Variants in IGSF9B observed in about 807,000 individuals in gnomAD.
IGSF9B encodes protein turtle homolog B.
IGSF9B carries 48 observed loss-of-function variants against 143.7 expected under a neutral mutation model. That is an observed-to-expected ratio of 0.33 (90% CI 0.26 to 0.42). The LOEUF (loss-of-function observed/expected upper bound fraction) is 0.42, where lower values mean the gene tolerates loss of function less well. IGSF9B is among the 20% of genes least tolerant of loss of function. The pLI is 1.00. For missense variants in IGSF9B, 1,706 were observed against 1,980.0 expected, an observed-to-expected ratio of 0.86 and a Z score of 2.63; for synonymous variants, 903 against 833.1, an observed-to-expected ratio of 1.08 and a Z score of -1.44.
chr11:133,931,944 A>G lies in IGSF9B; in HGVS notation c.1110+127T>C. 1 of 1,483,186 alleles carries G rather than the reference A, an allele frequency of 6.7e-7. No individual in the cohort carries two copies. The highest frequency in any genetic ancestry group is 9.1e-7 in the Non-Finnish European group (1 of 1,102,208). The allele number at this position is 1,483,186 out of a possible 1,614,324, so 91.9% of individuals were successfully genotyped here. Reference sequence around the variant, plus strand: ...GGCACCCGCAGACCCCTACAGAAGCAGCTCTCTGTTTGCCCAGGGCTTTTG... The same window carrying G: ...GGCACCCGCAGACCCCTACAGAAGCGGCTCTCTGTTTGCCCAGGGCTTTTG... On this transcript the variant is annotated intron_variant, in intron 8 of 19. Coordinates refer to ENST00000533871, the MANE Select transcript of IGSF9B (RefSeq NM_001277285.4). The surrounding 1 kb of genome is among the most constrained non-coding windows in gnomAD (Gnocchi z 7.7).
In IGSF9B at chr11:133,901,014, T is replaced by A. The variant is rs1939111379; in HGVS notation, c.*8055A>T. ...TTACCTTTCCACAGCCACGTGGGGA[T>A]GGAGTCACAGTTTTCATCTCCTCAG... is the stretch of plus-strand genomic sequence containing the variant. On this transcript the variant is annotated 3_prime_UTR_variant, in exon 20 of 20. Coordinates refer to ENST00000533871, the MANE Select transcript of IGSF9B (RefSeq NM_001277285.4). The A allele has an allele frequency of 6.6e-6, 1 of 152,210 alleles. No individual in the cohort carries two copies. The highest frequency in any genetic ancestry group is 2.4e-5 in the African/African-American group (1 of 41,446). The allele number at this position is 152,210 out of a possible 1,614,324, so 9.4% of individuals were successfully genotyped here.
chr11:133,956,616 G>A, intron 1 of IGSF9B, 75 bp downstream of exon 1: 1 of 1,035,154 alleles, frequency 9.7e-7, no homozygotes, highest in South Asian at 1.4e-5. Context: ...CAAGGAGCCG[G>A]GAAACCGAGG....
chr11:133,916,594 C>T (rs1486320319), intron 18 of IGSF9B, among the ~76,000 whole-genome samples: 1 of 152,154 alleles, frequency 6.6e-6, no homozygotes, highest in Non-Finnish European at 1.5e-5. Context: ...GGGAGAGAAA[C>T]GATGGTCCCT....
rs938272496 is a variant in IGSF9B at position 133,900,318 on chromosome 11, C to T, written c.*8751G>A. The T allele has an allele frequency of 1.3e-5, 2 of 152,772 alleles. No homozygotes were observed. Among genetic ancestry groups the T allele is most frequent in the African/African-American group, 4.8e-5 (2 of 41,452 alleles). The allele number at this position is 152,772 out of a possible 1,614,324, so 9.5% of individuals were successfully genotyped here. On this transcript the variant is annotated 3_prime_UTR_variant, in exon 20 of 20. Transcript: ENST00000533871. ...GTCCTGAGTCTCTCCTCACTGCCTG[C>T]ACCATCTGGCCCAGCACCAGCTTCA... is the stretch of plus-strand genomic sequence containing the variant.
chr11:133,913,876 G>C lies in IGSF9B; in HGVS notation c.3984-1869C>G, dbSNP rs1013168680. Among the ~76,000 whole-genome samples the C allele has an allele frequency of 6.6e-6, 1 of 152,194 alleles. No individual in the cohort carries two copies. The highest frequency in any genetic ancestry group is 2.4e-5 in the African/African-American group (1 of 41,446). ...TTAATGTGAATCCACCTGTTCAGTC[G>C]ATCTCTGTCTCCTGGCCGGCCTCTT... On this transcript the variant is annotated intron_variant, in intron 18 of 19. Transcript: ENST00000533871. This position sits in a 1 kb window ranked among gnomAD's most constrained non-coding sequence, Gnocchi z 4.6.
intron 3 of IGSF9B, among the ~76,000 whole-genome samples, chr11:133,939,524 C>T (rs547845934): frequency 1.3e-5 from 2 of 152,306 alleles, no homozygotes; most frequent in East Asian, 1.9e-4. Context: ...GTTGAATGAA[C>T]GAAAGAATGA....
chr11:133,955,975 G>A (rs1253905706), intron 1 of IGSF9B, among the ~76,000 whole-genome samples: 1 of 151,688 alleles, frequency 6.6e-6, no homozygotes, highest in Non-Finnish European at 1.5e-5. Context: ...GCGCGGCTGC[G>A]GCGCGCTCCC....
rs571161434 is a variant in IGSF9B, at chr11:133,935,648, G to C, written c.936C>G (p.Ser312=). Residue 312 remains serine, a synonymous_variant, in exon 7 of 20, where the codon TCC becomes TCG. Coordinates refer to ENST00000533871, the MANE Select transcript of IGSF9B (RefSeq NM_001277285.4). ...CGGTCAGGTACGCCGAGGCGGAGGG[G>C]GAGCGCCCCAGGCTGTTGCTGGGCA... ...TCVPSNSLGR[S]PSASAYLTVQ... 4.3e-6 allele frequency: 7 copies of C among 1,610,680 alleles called. No homozygotes were observed. The African/African-American group carries it at 8.0e-5, about 18-fold the overall frequency.
At chr11:133,925,620 G>A (rs1939609298) in intron 14 of IGSF9B, 119 bp downstream of exon 14, 2 of 719,524 alleles carry the variant, frequency 2.8e-6, no homozygotes, top group South Asian at 1.7e-5. Context: ...TGGTGAGGAG[G>A]TACAGGATGT....
chr11:133,947,580 C>A (rs1195385056), intron 1 of IGSF9B, among the ~76,000 whole-genome samples: 1 of 152,210 alleles, frequency 6.6e-6, no homozygotes, highest in Non-Finnish European at 1.5e-5. Flanking sequence ...TCCGGTGCCT[C>A]GGTCTGACTC....
In IGSF9B at chr11:133,925,800, T is replaced by C; in HGVS notation, c.1973A>G (p.Glu658Gly). The C allele has an allele frequency of 1.2e-6, 2 of 1,613,848 alleles. No homozygotes were observed. The highest frequency in any genetic ancestry group is 1.7e-6 in the Non-Finnish European group (2 of 1,179,870). ...GCCGGGGATGCCATCGTCGAGCAAC[T>C]CCCAGCGCTCTGCGACACGGAACTC... Reference protein sequence around the residue: ...IMEFRVAERWELLDDGIPGTE... With the variant: ...IMEFRVAERWGLLDDGIPGTE... Residue 658 changes from glutamate (E) to glycine (G), a missense_variant, in exon 14 of 20, where the codon GAG (glutamate) becomes GGG (glycine). Physicochemically the swap from Glu to Gly is moderately conservative, Grantham distance 98. Transcript: ENST00000533871.
intron 7 of IGSF9B, among the ~76,000 whole-genome samples, chr11:133,935,173 C>T (rs1020191092): frequency 7.2e-5 from 11 of 152,224 alleles, no homozygotes; most frequent in Non-Finnish European, 1.6e-4. Context: ...GCCCCCGACA[C>T]AGACGCGGTG....
Position 133,906,637 on chromosome 11 carries a change from A to G in IGSF9B, c.*2432T>C, listed in dbSNP as rs937215883. ...CATGGCCTGAGCATCTCAGCCTCTC[A>G]TGACATCCGAAAGAAGCAAAGCCTT... On this transcript the variant is annotated 3_prime_UTR_variant, in exon 20 of 20. Transcript: ENST00000533871. 6.6e-6 allele frequency among the ~76,000 whole-genome samples: 1 copy of G among 152,192 alleles called. No individual in the cohort carries two copies. Among genetic ancestry groups the G allele is most frequent in the Non-Finnish European group, 1.5e-5 (1 of 68,020 alleles).
At position 133,912,021 on chromosome 11, in the gene IGSF9B, C is replaced by G; in HGVS notation, c.3984-14G>C. 6.6e-7 allele frequency: 1 copy of G among 1,508,994 alleles called. No individual in the cohort carries two copies. The highest frequency in any genetic ancestry group is 8.8e-7 in the Non-Finnish European group (1 of 1,138,052). The allele number at this position is 1,508,994 out of a possible 1,614,324, so 93.5% of individuals were successfully genotyped here. A position where few individuals can be genotyped will look rare whatever the true frequency, so the allele number is the denominator to read the frequency against. ...GGTGGAAGTGTTCTGGAAAGGACAA[C>G]CAGAGAGCCACAATTCAGCTCCCGG... On this transcript the variant is annotated splice_polypyrimidine_tract_variant and intron_variant, in intron 18 of 19. Transcript: ENST00000533871.
In IGSF9B at chr11:133,906,517, G is replaced by A. The variant is rs576312938; in HGVS notation, c.*2552C>T. On this transcript the variant is annotated 3_prime_UTR_variant, in exon 20 of 20. Coordinates refer to ENST00000533871, the MANE Select transcript of IGSF9B (RefSeq NM_001277285.4). Reference sequence around the variant, plus strand: ...ACCAGCGAAAAGCACGGCTCCCCGCGTTGGGTCTACGTGCTGAGGTCATGG... The same window carrying A: ...ACCAGCGAAAAGCACGGCTCCCCGCATTGGGTCTACGTGCTGAGGTCATGG... Among the ~76,000 whole-genome samples the A allele has an allele frequency of 3.9e-5, 6 of 152,348 alleles. No individual in the cohort carries two copies. Among genetic ancestry groups the A allele is most frequent in the South Asian group, 2.1e-4 (1 of 4,830 alleles).
At position 133,922,297 on chromosome 11, in the gene IGSF9B, G is replaced by A. The variant is rs116572843; in HGVS notation, c.2282-75C>T. On this transcript the variant is annotated intron_variant, in intron 16 of 19. Coordinates refer to ENST00000533871, the MANE Select transcript of IGSF9B (RefSeq NM_001277285.4). ...CGCAGCACGCGCATCTGCAGAGGCT[G>A]ACAGAGCCGGAGCACCACCGCACAG... is the stretch of plus-strand genomic sequence containing the variant. 1,188 of 1,344,132 alleles carry A rather than the reference G, an allele frequency of 8.8e-4. 6 individuals carry two copies. In the African/African-American group the frequency reaches 0.015, roughly 17 times the overall value. The allele number at this position is 1,344,132 out of a possible 1,614,324, so 83.3% of individuals were successfully genotyped here. A position where few individuals can be genotyped will look rare whatever the true frequency, so the allele number is the denominator to read the frequency against.
At chr11:133,917,475 G>A (rs866427877) in intron 18 of IGSF9B, among the ~76,000 whole-genome samples, 4 of 151,712 alleles carry the variant, frequency 2.6e-5, no homozygotes, top group African/African-American at 9.7e-5. Context: ...CCTCGGGGAG[G>A]TCCTCCTAAG....
intron 18 of IGSF9B, among the ~76,000 whole-genome samples, chr11:133,918,464 G>A (rs576452654): frequency 1.3e-5 from 2 of 152,244 alleles, no homozygotes; most frequent in African/African-American, 2.4e-5. Flanking sequence ...CACGATGGAA[G>A]GAAGCAGATG....
intron 5 of IGSF9B, among the ~76,000 whole-genome samples, chr11:133,936,756 C>A (rs1469423601): frequency 6.6e-6 from 1 of 152,210 alleles, no homozygotes; most frequent in African/African-American, 2.4e-5. Context: ...CCGCCACCAA[C>A]CCCCACAACC....
Sources: allele counts gnomAD v4.1 joint callset (sites outside exome capture counted in the v4.1 genomes callset), GRCh38; gene constraint gnomAD v4.1.1; non-coding constraint Gnocchi (gnomAD v3.1); transcripts MANE v1.5; gene names NCBI Gene and HGNC (gene_info 2026-07-23, HGNC 2026-07-21).